CNTNAP2: variants seen among roughly 807,000 people sequenced by gnomAD.
CNTNAP2 encodes contactin associated protein 2.
CNTNAP2 carries 98 observed loss-of-function variants against 155.2 expected under a neutral mutation model. The ratio of observed to expected loss-of-function variants is 0.63; its 90% CI spans 0.54 to 0.75. The LOEUF (loss-of-function observed/expected upper bound fraction) is 0.75. Ranked by LOEUF, CNTNAP2 falls within the 30% of genes least tolerant of loss-of-function variation. The pLI is 0.00. For missense variants in CNTNAP2, 1,727 were observed against 1,688.1 expected (o/e 1.02, Z -0.40); for synonymous variants, 651 against 631.2 (o/e 1.03, Z -0.47).
At chr7:146,871,747 CAT>C (rs1795313514) in intron 3 of CNTNAP2, among the ~76,000 whole-genome samples, 1 of 151,854 alleles carries the variant, frequency 6.6e-6, no homozygotes, top group African/African-American at 2.4e-5. Flanking sequence ...GGTTATAAAT[CAT>C]ATGATTTATT....
intron 12 of CNTNAP2, among the ~76,000 whole-genome samples, chr7:147,617,238 T>G (rs1330789213): frequency 3.9e-5 from 6 of 152,182 alleles, no homozygotes; most frequent in African/African-American, 1.4e-4. Flanking sequence ...CTGGGTTATA[T>G]GGACCTTTTA....
At chr7:148,409,809 T>C (rs1416272964) in intron 23 of CNTNAP2, among the ~76,000 whole-genome samples, 4,467 of 48,078 alleles carry the variant, frequency 0.093, 452 homozygotes, top group African/African-American at 0.12. Flanking sequence ...CCCAGCACTT[T>C]GGGAGGCCGA....
chr7:146,996,089 G>A (rs1040005311), intron 3 of CNTNAP2, among the ~76,000 whole-genome samples: 12 of 151,870 alleles, frequency 7.9e-5, no homozygotes, highest in Non-Finnish European at 1.5e-4. Flanking sequence ...TATATATGGT[G>A]AGAAATAAGG....
intron 21 of CNTNAP2, among the ~76,000 whole-genome samples, chr7:148,272,186 G>A (rs1358772896): frequency 3.9e-5 from 6 of 152,110 alleles, no homozygotes; most frequent in Admixed American, 1.3e-4. Context: ...CTTTTAGAAC[G>A]GATTCTTACA....
intron 13 of CNTNAP2, among the ~76,000 whole-genome samples, chr7:147,800,833 G>T (rs1797971358): frequency 6.6e-6 from 1 of 152,090 alleles, no homozygotes; most frequent in Non-Finnish European, 1.5e-5. Context: ...TCTATGTTTA[G>T]ATATACACAT....
intron 1 of CNTNAP2, among the ~76,000 whole-genome samples, chr7:146,246,156 T>A (rs1224202155): frequency 6.6e-6 from 1 of 151,676 alleles, no homozygotes; most frequent in East Asian, 1.9e-4. Context: ...TAAGGGTGAT[T>A]AGGTTTTAAT....
At chr7:147,362,229 C>T (rs1796158861) in intron 9 of CNTNAP2, among the ~76,000 whole-genome samples, 1 of 152,128 alleles carries the variant, frequency 6.6e-6, no homozygotes, top group Admixed American at 6.5e-5. Context: ...AATTCCTGAA[C>T]TCAAACAATC....
intron 14 of CNTNAP2, among the ~76,000 whole-genome samples, chr7:147,968,656 G>T (rs963720321): frequency 6.6e-6 from 1 of 152,082 alleles, no homozygotes; most frequent in Non-Finnish European, 1.5e-5. Flanking sequence ...GAAAATGAAC[G>T]TAAAGGAACT....
At chr7:147,124,640 T>A (rs1801196267) in intron 6 of CNTNAP2, among the ~76,000 whole-genome samples, 1 of 152,158 alleles carries the variant, frequency 6.6e-6, no homozygotes. Context: ...TGAATAGGTA[T>A]GAATTTTGTG....
At chr7:147,030,868 C>A (rs890488207) in intron 3 of CNTNAP2, among the ~76,000 whole-genome samples, 1 of 152,006 alleles carries the variant, frequency 6.6e-6, no homozygotes, top group Non-Finnish European at 1.5e-5. Context: ...TGGGCTACAG[C>A]GCAAGACCCT....
intron 1 of CNTNAP2, among the ~76,000 whole-genome samples, chr7:146,242,660 C>A (rs1563004132): frequency 6.6e-6 from 1 of 151,680 alleles, no homozygotes; most frequent in Non-Finnish European, 1.5e-5. Context: ...AAACTCTGCA[C>A]AAACTTTTGA....
intron 15 of CNTNAP2, among the ~76,000 whole-genome samples, chr7:148,090,696 C>CA: frequency 6.6e-6 from 1 of 151,982 alleles, no homozygotes; most frequent in East Asian, 1.9e-4. Flanking sequence ...GGAGGTTCCT[C>CA]AAAAAATTAA....
chr7:147,526,640 G>A (rs946906760), intron 11 of CNTNAP2, among the ~76,000 whole-genome samples: 7 of 152,186 alleles, frequency 4.6e-5, no homozygotes, highest in Non-Finnish European at 8.8e-5. Flanking sequence ...GCTAGAACCT[G>A]TAGTATATAG....
At chr7:146,443,263 A>G (rs116352925) in intron 1 of CNTNAP2, among the ~76,000 whole-genome samples, 2,187 of 146,878 alleles carry the variant, frequency 0.015, 47 homozygotes, top group African/African-American at 0.05. Context: ...TAAATAGATA[A>G]ATAAAAGCAT....
rs190515976 is a variant in CNTNAP2, at chr7:147,144,956, A to G, written c.1348+12447A>G. On this transcript the variant is annotated intron_variant, in intron 8 of 23. Coordinates refer to ENST00000361727, the MANE Select transcript of CNTNAP2 (RefSeq NM_014141.6). ...ATGAAGTAAAAAACGTTAAAATTCA[A>G]TAATTCTAATTGAGTGCTATAATGT... Among the ~76,000 whole-genome samples, 26 of 152,314 alleles carry G rather than the reference A, an allele frequency of 1.7e-4. No individual in the cohort carries two copies. In the East Asian group the frequency reaches 4.4e-3, roughly 26 times the overall value.
At position 147,760,817 on chromosome 7, in the gene CNTNAP2, G is replaced by T. The variant is rs564140588; in HGVS notation, c.2098+121511G>T. Among the ~76,000 whole-genome samples, 5 of 152,276 alleles carry T rather than the reference G, an allele frequency of 3.3e-5. No homozygotes were observed. In the East Asian group the frequency reaches 9.6e-4, roughly 29 times the overall value. ...TTTTGGGAATACTGTAGGAAGCAAG[G>T]CAATCATGGTTCTGGTCCTCATGAT... On this transcript the variant is annotated intron_variant, in intron 13 of 23. Transcript: ENST00000361727.
chr7:146,479,756 G>C (rs1011025694), intron 1 of CNTNAP2, among the ~76,000 whole-genome samples: 2 of 151,934 alleles, frequency 1.3e-5, no homozygotes, highest in Non-Finnish European at 2.9e-5. Context: ...TAAGTGGGTA[G>C]AAATTATAGC....
intron 1 of CNTNAP2, among the ~76,000 whole-genome samples, chr7:146,730,995 T>C (rs942314103): frequency 2.6e-5 from 4 of 152,218 alleles, no homozygotes; most frequent in African/African-American, 9.6e-5. Flanking sequence ...CTAGTGTTTA[T>C]TGTGTTCATA....
intron 9 of CNTNAP2, among the ~76,000 whole-genome samples, chr7:147,342,316 A>G (rs1795779311): frequency 6.7e-6 from 1 of 149,640 alleles, no homozygotes; most frequent in South Asian, 2.2e-4. Flanking sequence ...TTAAAGACAT[A>G]TATTTGAGTT....
Sources: gnomAD v4.1 joint callset for allele counts (sites outside exome capture counted in the v4.1 genomes callset) on GRCh38, gnomAD v4.1.1 for gene constraint, MANE v1.5 for transcripts, NCBI Gene and HGNC (gene_info 2026-07-23, HGNC 2026-07-21) for gene names.